Variants in BTBD9 observed in about 807,000 individuals in gnomAD.
BTBD9 encodes the protein BTB domain containing 9.
A neutral mutation model predicts 64.3 loss-of-function variants in BTBD9; 49 were observed. The ratio of observed to expected loss-of-function variants is 0.76; its 90% CI spans 0.61 to 0.97. BTBD9 has a LOEUF of 0.97. Among genes scored for constraint, BTBD9 ranks in the 50% least tolerant of loss-of-function variants. The pLI is 0.00. For synonymous variants in BTBD9, 260 were observed against 274.7 expected (o/e 0.95, Z 0.53); for missense variants, 598 against 762.1 (o/e 0.78, Z 2.53).
intron 6 of BTBD9, among the ~76,000 whole-genome samples, chr6:38,348,007 A>C (rs1237816707): frequency 1.3e-5 from 2 of 152,110 alleles, no homozygotes; most frequent in Admixed American, 1.3e-4. Flanking sequence ...AAAACAAACC[A>C]CAACAACAAA....
intron 6 of BTBD9, among the ~76,000 whole-genome samples, chr6:38,519,347 A>C (rs563216438): frequency 6.6e-6 from 1 of 152,240 alleles, no homozygotes; most frequent in Non-Finnish European, 1.5e-5. Flanking sequence ...ATAAGTATTG[A>C]ATTCTATAAT....
chr6:38,574,621 A>G (rs1170677837), intron 6 of BTBD9, among the ~76,000 whole-genome samples: 2 of 152,224 alleles, frequency 1.3e-5, no homozygotes, highest in Non-Finnish European at 2.9e-5. Context: ...CCTTTCTGCC[A>G]GAACTGTGCT....
At chr6:38,354,366 C>T (rs1304671268) in intron 6 of BTBD9, among the ~76,000 whole-genome samples, 1 of 152,120 alleles carries the variant, frequency 6.6e-6, no homozygotes, top group East Asian at 1.9e-4. Context: ...TACACTCATA[C>T]AACCAGTTGT....
chr6:38,251,138 T>A (rs771223761), intron 9 of BTBD9, among the ~76,000 whole-genome samples: 8 of 151,668 alleles, frequency 5.3e-5, no homozygotes, highest in Non-Finnish European at 1.2e-4. Context: ...TGTTTAATTT[T>A]AAAAGATAAA....
intron 6 of BTBD9, among the ~76,000 whole-genome samples, chr6:38,410,816 C>T (rs550600523): frequency 7.2e-5 from 11 of 152,192 alleles, no homozygotes; most frequent in Admixed American, 1.3e-4. Context: ...TCACTTGAGC[C>T]TGGGAGTTCA....
intron 9 of BTBD9, among the ~76,000 whole-genome samples, chr6:38,223,687 C>A (rs1312135750): frequency 6.6e-6 from 1 of 152,216 alleles, no homozygotes; most frequent in Non-Finnish European, 1.5e-5. Context: ...AATTCTGCAC[C>A]CATTCACGGC....
chr6:38,312,595 T>C (rs866242607), intron 7 of BTBD9, among the ~76,000 whole-genome samples: 11 of 152,344 alleles, frequency 7.2e-5, no homozygotes, highest in South Asian at 2.1e-4. Flanking sequence ...GAGAGGGAGA[T>C]AGAGGGGTCT....
At chr6:38,530,814 G>C (rs1773768502) in intron 6 of BTBD9, among the ~76,000 whole-genome samples, 1 of 152,130 alleles carries the variant, frequency 6.6e-6, no homozygotes, top group South Asian at 2.1e-4. Context: ...CAGAAATTCT[G>C]TAGTTGAAAA....
At chr6:38,621,479 C>T (rs1777980516) in intron 1 of BTBD9, among the ~76,000 whole-genome samples, 1 of 152,188 alleles carries the variant, frequency 6.6e-6, no homozygotes, top group Non-Finnish European at 1.5e-5. Flanking sequence ...ATGCGAAGGG[C>T]AGGTTATGCC....
intron 8 of BTBD9, among the ~76,000 whole-genome samples, chr6:38,278,163 G>T (rs997833794): frequency 2.0e-5 from 3 of 152,136 alleles, no homozygotes; most frequent in African/African-American, 7.2e-5. Flanking sequence ...TAAAACTGTA[G>T]TCCCTATCTT....
chr6:38,359,423 T>A (rs1010074661), intron 6 of BTBD9, among the ~76,000 whole-genome samples: 13 of 152,206 alleles, frequency 8.5e-5, no homozygotes, highest in Non-Finnish European at 1.6e-4. Context: ...AAGGCAACTG[T>A]GTCATTCTGA....
chr6:38,200,626 T>G (rs533143959), intron 9 of BTBD9, among the ~76,000 whole-genome samples: 22 of 152,222 alleles, frequency 1.4e-4, no homozygotes, highest in African/African-American at 4.3e-4. Context: ...TCAAAGACTA[T>G]TCTGAACAAC....
intron 9 of BTBD9, among the ~76,000 whole-genome samples, chr6:38,194,030 C>T (rs899762908): frequency 1.3e-5 from 2 of 152,026 alleles, no homozygotes; most frequent in Non-Finnish European, 2.9e-5. Flanking sequence ...ATGAAGGTGA[C>T]GCCATCTGAC....
intron 7 of BTBD9, among the ~76,000 whole-genome samples, chr6:38,339,629 TAAC>T (rs142009794): frequency 6.6e-6 from 1 of 151,952 alleles, no homozygotes; most frequent in East Asian, 1.9e-4. Context: ...AATGGAAGGA[TAAC>T]AACAACAACA....
At chr6:38,588,508 A>T in intron 4 of BTBD9, 1 of 828,226 alleles carries the variant, frequency 1.2e-6, no homozygotes, top group Non-Finnish European at 1.8e-6. Context: ...GCTATACCAA[A>T]CCTGGACCTG....
chr6:38,177,457 G>A (rs149064951), intron 10 of BTBD9, among the ~76,000 whole-genome samples: 2 of 152,114 alleles, frequency 1.3e-5, no homozygotes, highest in African/African-American at 4.8e-5. Context: ...AGGCTTAGTC[G>A]TCCTTCTACC....
At chr6:38,193,064 A>AC (rs1762150015) in intron 9 of BTBD9, among the ~76,000 whole-genome samples, 1 of 151,760 alleles carries the variant, frequency 6.6e-6, no homozygotes, top group Non-Finnish European at 1.5e-5. Flanking sequence ...ATAATAATAA[A>AC]AAAAAAAGTG....
chr6:38,545,851 CACAT>C (rs1287291463), intron 6 of BTBD9, among the ~76,000 whole-genome samples: 233 of 106,280 alleles, frequency 2.2e-3, no homozygotes, highest in African/African-American at 8.2e-3. Flanking sequence ...CACACACACA[CACAT>C]ACACACACAC....
At chr6:38,427,629 T>C (rs1768234609) in intron 6 of BTBD9, among the ~76,000 whole-genome samples, 1 of 151,926 alleles carries the variant, frequency 6.6e-6, no homozygotes, top group African/African-American at 2.4e-5. Flanking sequence ...TGCTTATCAG[T>C]GAACCAAAAA....
Sources: allele counts gnomAD v4.1 joint callset (sites outside exome capture counted in the v4.1 genomes callset), GRCh38; gene constraint gnomAD v4.1.1; transcripts MANE v1.5; gene names NCBI Gene and HGNC (gene_info 2026-07-23, HGNC 2026-07-21).